MYH10: variants seen among roughly 807,000 people sequenced by gnomAD.
MYH10 encodes myosin-10.
Under a neutral mutation model 257.8 loss-of-function variants are expected in MYH10, and 55 were observed. The observed-to-expected ratio is 0.21, with a 90% confidence interval of 0.17 to 0.27. The LOEUF is 0.27. Ranked by LOEUF, MYH10 falls within the 10% of genes least tolerant of loss-of-function variation. The pLI is 1.00. For missense variants in MYH10, 1,631 were observed against 2,500.6 expected, an observed-to-expected ratio of 0.65 and a Z score of 7.42; for synonymous variants, 854 against 921.7, an observed-to-expected ratio of 0.93 and a Z score of 1.33.
At chr17:8,487,348 C>T in intron 36 of MYH10, 85 bp downstream of exon 36, 1 of 1,521,634 alleles carries the variant, frequency 6.6e-7, no homozygotes, top group Non-Finnish European at 9.0e-7. Flanking sequence ...GGTGCTGTGC[C>T]CCCCAGCTTC....
At chr17:8,566,424 T>G (rs966036254) in intron 7 of MYH10, among the ~76,000 whole-genome samples, 1 of 152,158 alleles carries the variant, frequency 6.6e-6, no homozygotes, top group African/African-American at 2.4e-5. Context: ...CTTGGATCAC[T>G]TGCTCTGGGA....
chr17:8,505,652 A>G (rs993789541), intron 27 of MYH10, among the ~76,000 whole-genome samples: 5 of 152,246 alleles, frequency 3.3e-5, no homozygotes, highest in Non-Finnish European at 5.9e-5. Context: ...GTGGAGAAAT[A>G]TAATTTTTGA....
At position 8,604,938 on chromosome 17, in the gene MYH10, A is replaced by G. The variant is rs759543415; in HGVS notation, c.390T>C (p.Asn130=). 1.9e-6 allele frequency: 3 copies of G among 1,580,158 alleles called. No individual in the cohort carries two copies. The South Asian group carries it at 3.4e-5, about 18-fold the overall frequency. The change falls in exon 3 of 43, where the codon AAT becomes AAC. Residue 130 remains asparagine, a synonymous_variant. Coordinates refer to ENST00000360416, the MANE Select transcript of MYH10 (RefSeq NM_001256012.3). ...TAATATTCTCAGAGTAAATTGGAAGATTCTTGTAAGGGTTTATAACTACAC... is the reference window on the plus strand; with the variant it reads ...TAATATTCTCAGAGTAAATTGGAAGGTTCTTGTAAGGGTTTATAACTACAC... ...LFCVVINPYK[N]LPIYSENIIE...
intron 17 of MYH10, among the ~76,000 whole-genome samples, chr17:8,524,176 C>A (rs1455396717): frequency 6.6e-6 from 1 of 152,044 alleles, no homozygotes; most frequent in Non-Finnish European, 1.5e-5. Context: ...CATAGTGGCT[C>A]ATGCCTGTAA....
chr17:8,494,097 C>T (rs1256651724), intron 31 of MYH10, among the ~76,000 whole-genome samples: 3 of 152,152 alleles, frequency 2.0e-5, no homozygotes, highest in Non-Finnish European at 4.4e-5. Context: ...CTCTGAAAAA[C>T]GAATGGCGGC....
chr17:8,496,108 C>T lies in MYH10; in HGVS notation c.3952-867G>A, dbSNP rs925013212. 2.6e-5 allele frequency among the ~76,000 whole-genome samples: 4 copies of T among 152,080 alleles called. No individual in the cohort carries two copies. In the East Asian group the frequency reaches 5.8e-4, roughly 22 times the overall value. ...ATTTAATTAATAATATTTTTTTCTT[C>T]GCAATTAATGATATTTCTAAAATAT... is the stretch of plus-strand genomic sequence containing the variant. On this transcript the variant is annotated intron_variant, in intron 30 of 42. Coordinates refer to ENST00000360416, the MANE Select transcript of MYH10 (RefSeq NM_001256012.3).
intron 30 of MYH10, among the ~76,000 whole-genome samples, chr17:8,498,962 C>G (rs1917107298): frequency 6.6e-6 from 1 of 152,190 alleles, no homozygotes; most frequent in Non-Finnish European, 1.5e-5. Context: ...CCCATTGTTC[C>G]TATTCTCTTA....
At chr17:8,585,204 ATATG>A (rs756242936) in intron 4 of MYH10, among the ~76,000 whole-genome samples, 47 of 131,584 alleles carry the variant, frequency 3.6e-4, no homozygotes, top group African/African-American at 5.1e-4. Context: ...TTATATATAT[ATATG>A]TGTGTGTGTG....
chr17:8,486,543 CAAAAAAAAAAA>C (rs67844660), intron 36 of MYH10, among the ~76,000 whole-genome samples: 1 of 120,764 alleles, frequency 8.3e-6, no homozygotes, highest in African/African-American at 3.4e-5. Context: ...TATTTAGCTT[CAAAAAAAAAAA>C]AAAAAAAAAA....
intron 3 of MYH10, among the ~76,000 whole-genome samples, chr17:8,592,563 T>C (rs900119532): frequency 8.6e-5 from 13 of 151,698 alleles, no homozygotes; most frequent in Non-Finnish European, 1.6e-4. Context: ...AAGGGATAAA[T>C]TATTTAAAAG....
chr17:8,587,489 C>G (rs936267941), intron 4 of MYH10, among the ~76,000 whole-genome samples: 3 of 152,104 alleles, frequency 2.0e-5, no homozygotes, highest in South Asian at 2.1e-4. Flanking sequence ...AAAAGAGAAA[C>G]CATTAGATTA....
chr17:8,486,797 C>T (rs1914888761), intron 36 of MYH10, among the ~76,000 whole-genome samples: 1 of 152,152 alleles, frequency 6.6e-6, no homozygotes, highest in South Asian at 2.1e-4. Context: ...GTTAGCAGTC[C>T]ATTGACATTT....
At chr17:8,511,029 T>TATAA (rs1404969285) in intron 24 of MYH10, 6 of 4,556 alleles carry the variant, frequency 1.3e-3, no homozygotes, top group African/African-American at 1.6e-3. Context: ...TATATATATA[T>TATAA]ATATATATAT....
At chr17:8,619,639 C>A (rs1214611697) in intron 2 of MYH10, among the ~76,000 whole-genome samples, 4 of 152,046 alleles carry the variant, frequency 2.6e-5, no homozygotes. Context: ...ACAGGCAAAA[C>A]TAGGCAGGGC....
chr17:8,613,157 G>A (rs1233989615), intron 2 of MYH10, among the ~76,000 whole-genome samples: 1 of 152,040 alleles, frequency 6.6e-6, no homozygotes, highest in African/African-American at 2.4e-5. Flanking sequence ...AGAAAAAGAC[G>A]AAAGGCAGAA....
rs371050697 is a variant in MYH10, at chr17:8,480,383, G to A, written c.5388+19C>T. The A allele has an allele frequency of 8.1e-6, 13 of 1,613,000 alleles. No homozygotes were observed. The highest frequency in any genetic ancestry group is 1.7e-5 in the Admixed American group (1 of 59,996). On this transcript the variant is annotated intron_variant, in intron 39 of 42. Transcript: ENST00000360416. ...GGTGGCACAGCCCTCCCTGGGTGACGGGCTCCTGCATGGGCCACCTGTAGA... is the reference window on the plus strand; with the variant it reads ...GGTGGCACAGCCCTCCCTGGGTGACAGGCTCCTGCATGGGCCACCTGTAGA...
At chr17:8,613,600 C>T (rs1045554503) in intron 2 of MYH10, among the ~76,000 whole-genome samples, 1 of 151,684 alleles carries the variant, frequency 6.6e-6, no homozygotes, top group East Asian at 1.9e-4. Flanking sequence ...ACAGCTAACA[C>T]GAGGTGAAAA....
intron 3 of MYH10, 131 bp downstream of exon 3, chr17:8,604,695 A>C (rs1333375086): frequency 1.2e-5 from 8 of 643,784 alleles, no homozygotes; most frequent in Non-Finnish European, 1.1e-5. Context: ...ATTTTTCTAC[A>C]ATAAACATTA....
chr17:8,506,213 C>A lies in MYH10; in HGVS notation c.3386+105G>T, dbSNP rs1465311145. On this transcript the variant is annotated intron_variant, in intron 27 of 42. Coordinates refer to ENST00000360416, the MANE Select transcript of MYH10 (RefSeq NM_001256012.3). The surrounding 1 kb of genome is among the most constrained non-coding windows in gnomAD (Gnocchi z 5.0). ...CAGGTCACACCAAACAGCAAGCAAA[C>A]CCCATCTCACTCTCCCAGGGTTTTT... 8.3e-7 allele frequency: 1 copy of A among 1,210,328 alleles called. No homozygotes were observed. Among genetic ancestry groups the A allele is most frequent in the Non-Finnish European group, 1.1e-6 (1 of 896,630 alleles). The allele number at this position is 1,210,328 out of a possible 1,614,324, so 75.0% of individuals were successfully genotyped here.
Sources: gnomAD v4.1 joint callset for allele counts (sites outside exome capture counted in the v4.1 genomes callset) on GRCh38, gnomAD v4.1.1 for gene constraint, Gnocchi (gnomAD v3.1) non-coding constraint, MANE v1.5 for transcripts, NCBI Gene and HGNC (gene_info 2026-07-23, HGNC 2026-07-21) for gene names.